Variants in SRBD1 observed in about 807,000 individuals in gnomAD.
SRBD1 encodes the protein S1 RNA-binding domain-containing protein 1.
SRBD1 carries 88 observed loss-of-function variants against 115.3 expected under a neutral mutation model. The observed-to-expected ratio is 0.76, with a 90% CI of 0.64 to 0.91. SRBD1 has a LOEUF of 0.91. SRBD1 is among the 40% of genes least tolerant of loss of function. The pLI is 0.00. For synonymous variants in SRBD1, 509 were observed against 407.7 expected (o/e 1.25, Z -2.99); for missense variants, 1,385 against 1,177.4 (o/e 1.18, Z -2.58).
At chr2:45,448,918 G>A (rs1277094414) in intron 16 of SRBD1, among the ~76,000 whole-genome samples, 2 of 152,014 alleles carry the variant, frequency 1.3e-5, no homozygotes, top group Admixed American at 6.5e-5. Context: ...TTATCACCTG[G>A]GGCAACTCAT....
At chr2:45,430,004 G>C (rs1333162641) in intron 16 of SRBD1, among the ~76,000 whole-genome samples, 6 of 151,768 alleles carry the variant, frequency 4.0e-5, no homozygotes, top group Non-Finnish European at 5.9e-5. Flanking sequence ...ATAATAGACA[G>C]AGAGCCAAAT....
At chr2:45,538,182 G>T (rs17033831) in intron 14 of SRBD1, among the ~76,000 whole-genome samples, 6,927 of 152,254 alleles carry the variant, frequency 0.045, 552 homozygotes, top group African/African-American at 0.16. Flanking sequence ...TTCCTTGCAA[G>T]GGAAATCTCA....
chr2:45,482,067 G>A (rs1357005879), intron 15 of SRBD1, among the ~76,000 whole-genome samples: 1 of 152,114 alleles, frequency 6.6e-6, no homozygotes, highest in Non-Finnish European at 1.5e-5. Context: ...GACTATACTA[G>A]AAAACACTGA....
In SRBD1 at chr2:45,408,216, T is replaced by TG. The variant is rs375128079; in HGVS notation, c.2513+4897dup. On this transcript the variant is annotated intron_variant, in intron 19 of 20. Coordinates refer to ENST00000263736, the MANE Select transcript of SRBD1 (RefSeq NM_018079.5). ...CTTTTTTCTTCCCTGGGAAGACACTTGTGTGAGAATATATAGAGTATGAAC... is the reference window on the plus strand; with the variant it reads ...CTTTTTTCTTCCCTGGGAAGACACTTGGTGTGAGAATATATAGAGTATGAAC... 1.5e-3 allele frequency among the ~76,000 whole-genome samples: 231 copies of TG among 152,280 alleles called. 2 individuals carry two copies. The highest frequency in any genetic ancestry group is 5.3e-3 in the African/African-American group (219 of 41,566).
chr2:45,389,750 C>A, intron 20 of SRBD1, 151 bp from the exon 21 acceptor site: 1 of 755,206 alleles, frequency 1.3e-6, no homozygotes, highest in Non-Finnish European at 2.1e-6. Context: ...CCAACGCTTG[C>A]CTTCAGAGAA....
rs746984343 is a variant in SRBD1, at chr2:45,599,668, G to A, written c.429C>T (p.Ser143=). 2 of 1,614,194 alleles carry A rather than the reference G, an allele frequency of 1.2e-6. No homozygotes were observed. Among genetic ancestry groups the A allele is most frequent in the Non-Finnish European group, 8.5e-7 (1 of 1,180,042 alleles). Residue 143 remains serine, a synonymous_variant, in exon 4 of 21, where the codon AGC becomes AGT. Transcript: ENST00000263736. ...LKVEEETSKA[S]NLEGESNSSE... is the part of the protein sequence containing the mutation. ...AACTATTACTCTCACCCTCTAAGTT[G>A]CTGGCTTTGCTGGTTTCTTCTTCAA... is the stretch of plus-strand genomic sequence containing the variant.
chr2:45,579,682 C>A (rs1027487288), intron 7 of SRBD1, among the ~76,000 whole-genome samples, 193 bp downstream of exon 7: 5 of 151,896 alleles, frequency 3.3e-5, no homozygotes, highest in African/African-American at 9.7e-5. Context: ...AAGACTAGAA[C>A]AGGCACTTCA....
chr2:45,424,509 T>A (rs1668095900), intron 16 of SRBD1, among the ~76,000 whole-genome samples: 1 of 152,176 alleles, frequency 6.6e-6, no homozygotes, highest in African/African-American at 2.4e-5. Context: ...ACAGCCCATA[T>A]CTATACATTA....
chr2:45,394,514 T>A (rs1168583455), intron 19 of SRBD1, among the ~76,000 whole-genome samples: 1 of 152,188 alleles, frequency 6.6e-6, no homozygotes, highest in South Asian at 2.1e-4. Flanking sequence ...AAGGGAATTG[T>A]TGGAGGTTTG....
At chr2:45,586,392 G>A (rs1673523225) in intron 4 of SRBD1, among the ~76,000 whole-genome samples, 1 of 152,088 alleles carries the variant, frequency 6.6e-6, no homozygotes, top group African/African-American at 2.4e-5. Flanking sequence ...AGAATCTGAG[G>A]CAGCTCTATA....
intron 19 of SRBD1, among the ~76,000 whole-genome samples, chr2:45,412,840 A>G (rs960913078): frequency 2.6e-5 from 4 of 152,186 alleles, no homozygotes; most frequent in Non-Finnish European, 5.9e-5. Context: ...TTAATTTCCA[A>G]AACAAACAGA....
chr2:45,424,497 G>C (rs1668095482), intron 16 of SRBD1, among the ~76,000 whole-genome samples: 1 of 151,912 alleles, frequency 6.6e-6, no homozygotes, highest in Admixed American at 6.6e-5. Flanking sequence ...AAAAATTCAT[G>C]AACAGCCCAT....
chr2:45,561,036 G>A (rs1035699221), intron 10 of SRBD1, among the ~76,000 whole-genome samples: 6 of 152,134 alleles, frequency 3.9e-5, no homozygotes, highest in Non-Finnish European at 8.8e-5. Flanking sequence ...GAGTCTGGGA[G>A]ATTGAGGCTG....
At chr2:45,546,887 G>C (rs771856345) in intron 13 of SRBD1, 48 bp from the exon 14 acceptor site, 1 of 1,547,834 alleles carries the variant, frequency 6.5e-7, no homozygotes, top group Non-Finnish European at 8.9e-7. Context: ...GGCATGCTTT[G>C]AAATCAGCTG....
intron 4 of SRBD1, among the ~76,000 whole-genome samples, chr2:45,594,224 T>C (rs1051045372): frequency 6.6e-6 from 1 of 152,176 alleles, no homozygotes; most frequent in Non-Finnish European, 1.5e-5. Flanking sequence ...AATTTTGTCA[T>C]CCCATGGCTT....
chr2:45,518,964 T>TA (rs11362482), intron 14 of SRBD1, among the ~76,000 whole-genome samples: 1,990 of 111,138 alleles, frequency 0.018, 14 homozygotes, highest in African/African-American at 0.022. Flanking sequence ...CGAATAAGGC[T>TA]AAAAAAAAAA....
At chr2:45,451,048 G>T (rs998212181) in intron 16 of SRBD1, among the ~76,000 whole-genome samples, 6 of 152,058 alleles carry the variant, frequency 3.9e-5, no homozygotes, top group African/African-American at 1.4e-4. Context: ...CAACATCAAG[G>T]ACAGAAAACA....
intron 19 of SRBD1, among the ~76,000 whole-genome samples, chr2:45,412,467 A>T (rs1308171773): frequency 6.6e-6 from 1 of 152,202 alleles, no homozygotes; most frequent in Non-Finnish European, 1.5e-5. Flanking sequence ...TTTTAGATTC[A>T]ATAAAAGTTA....
chr2:45,474,051 T>C (rs1669731149), intron 16 of SRBD1, among the ~76,000 whole-genome samples: 1 of 152,232 alleles, frequency 6.6e-6, no homozygotes, highest in Admixed American at 6.5e-5. Flanking sequence ...CCACTCTATT[T>C]AGTCCAATTA....
Sources: gnomAD v4.1 joint callset for allele counts (sites outside exome capture counted in the v4.1 genomes callset) on GRCh38, gnomAD v4.1.1 for gene constraint, MANE v1.5 for transcripts, NCBI Gene and HGNC (gene_info 2026-07-23, HGNC 2026-07-21) for gene names.